The following RFC4 variants were observed in gnomAD, a reference collection of about 807,000 sequenced individuals.
The protein encoded by RFC4 is replication factor C subunit 4.
Under a neutral mutation model 47.6 loss-of-function variants are expected in RFC4, and 38 were observed. The observed-to-expected ratio is 0.80, with a 90% CI of 0.62 to 1.05. The LOEUF is 1.05. Ranked by LOEUF, RFC4 falls within the 50% of genes least tolerant of loss-of-function variation. The probability of loss-of-function intolerance (pLI) is 0.00; values close to 1 mark genes in which losing one functional copy is unlikely to be tolerated. For missense variants in RFC4, 489 were observed against 434.0 expected (o/e 1.13, Z -1.13); for synonymous variants, 164 against 150.0 (o/e 1.09, Z -0.68).
rs759348056 is a variant in RFC4 at position 186,790,076 on chromosome 3, A to G, written c.997-12T>C. ...CATTTGTCAACTTCCTACGAGAAAA[A>G]TTTAAGAAATTAGCATCCTTCAGGT... On this transcript the variant is annotated splice_polypyrimidine_tract_variant and intron_variant, in intron 10 of 10. Transcript: ENST00000296273. 1.2e-6 allele frequency: 2 copies of G among 1,611,330 alleles called. No homozygotes were observed. Among genetic ancestry groups the G allele is most frequent in the South Asian group, 2.2e-5 (2 of 90,934 alleles).
Position 186,806,469 on chromosome 3 carries a change from G to C in RFC4, c.-191C>G, listed in dbSNP as rs1722483240. 6.6e-6 allele frequency: 1 copy of C among 152,284 alleles called. No homozygotes were observed. Among genetic ancestry groups the C allele is most frequent in the Admixed American group, 6.5e-5 (1 of 15,292 alleles). 9.4% of individuals were successfully genotyped at this position (152,284 alleles called of 1,614,324 possible). A position where few individuals can be genotyped will look rare whatever the true frequency, so the allele number is the denominator to read the frequency against. On this transcript the variant is annotated 5_prime_UTR_variant, in exon 1 of 11. Transcript: ENST00000296273. Reference sequence around the variant, plus strand: ...GTCGCCTCAGTTCCCGCCACGGAACGGCGGGCGAAAAGCAGGGCGGGAATA... The same window carrying C: ...GTCGCCTCAGTTCCCGCCACGGAACCGCGGGCGAAAAGCAGGGCGGGAATA...
rs1267550334 is a variant in RFC4 at position 186,796,313 on chromosome 3, G to A, written c.290+1222C>T. ...ATAAACAACTGTTAAGGCTGATTCA[G>A]ATTGGTTCTATCTGATTGAGTTGTG... On this transcript the variant is annotated intron_variant, in intron 4 of 10. Coordinates refer to ENST00000296273, the MANE Select transcript of RFC4 (RefSeq NM_002916.5). The surrounding 1 kb of genome is among the most constrained non-coding windows in gnomAD (Gnocchi z 4.2). 2.6e-5 allele frequency among the ~76,000 whole-genome samples: 4 copies of A among 152,180 alleles called. No homozygotes were observed. The highest frequency in any genetic ancestry group is 7.2e-5 in the African/African-American group (3 of 41,452).
intron 3 of RFC4, among the ~76,000 whole-genome samples, chr3:186,797,944 C>T (rs933270388): frequency 5.1e-4 from 78 of 152,270 alleles, no homozygotes; most frequent in African/African-American, 1.9e-3. Context: ...ATCTCAGTTT[C>T]CTATCCCACC....
At chr3:186,790,674 GT>G (rs1347314457) in intron 8 of RFC4, among the ~76,000 whole-genome samples, 1 of 152,200 alleles carries the variant, frequency 6.6e-6, no homozygotes, top group Admixed American at 6.5e-5. Flanking sequence ...GTTCTGGTCA[GT>G]GGATGAAGAT....
intron 7 of RFC4, 88 bp from the exon 8 acceptor site, chr3:186,791,938 C>G: frequency 8.2e-7 from 1 of 1,222,848 alleles, no homozygotes; most frequent in Non-Finnish European, 1.1e-6. Flanking sequence ...AAGTGAAAAA[C>G]CCTGTTTTAG....
In RFC4 at chr3:186,794,640, G is replaced by A. The variant is rs1157581786; in HGVS notation, c.410+18C>T. ...AAAATAATACATGCTATGGAGGAGG[G>A]AGGGCAAATTTACTTACTCTGAGCG... On this transcript the variant is annotated intron_variant, in intron 5 of 10. Transcript: ENST00000296273. The A allele has an allele frequency of 6.2e-7, 1 of 1,611,182 alleles. No homozygotes were observed. Among genetic ancestry groups the A allele is most frequent in the East Asian group, 2.2e-5 (1 of 44,812 alleles).
chr3:186,794,770 G>C lies in RFC4; in HGVS notation c.298C>G (p.Leu100Val), dbSNP rs1722209690. 1 of 1,613,680 alleles carries C rather than the reference G, an allele frequency of 6.2e-7. No homozygotes were observed. Among genetic ancestry groups the C allele is most frequent in the South Asian group, 1.1e-5 (1 of 90,956 alleles). ...AACTCAAGAACTCTTAATCGGAAAA[G>C]TTCAGGCCTATCTCAAAATGAAACA... ...AAARELFGPE[L>V]FRLRVLELNA... The change falls in exon 5 of 11, where the codon CTT becomes GTT. Residue 100 changes from leucine (L) to valine (V), a missense_variant. This residue lies in a region of RFC4 where 206 missense variants were observed against 257.8 expected (regional missense o/e 0.80). Transcript: ENST00000296273.
In RFC4 at chr3:186,804,736, C is replaced by A. The variant is rs1277189746; in HGVS notation, c.-11-12G>T. The A allele has an allele frequency of 5.1e-6, 8 of 1,577,936 alleles. No homozygotes were observed. The Admixed American group carries it at 1.1e-4, about 22-fold the overall frequency. On this transcript the variant is annotated splice_polypyrimidine_tract_variant and intron_variant, in intron 1 of 10. Coordinates refer to ENST00000296273, the MANE Select transcript of RFC4 (RefSeq NM_002916.5). ...CATGGTACTTCACCCTGGTCAGGTG[C>A]AAGACAGAAAAAAAAAGCTTTTATT...
chr3:186,791,939 C>T (rs768003590), intron 7 of RFC4, 89 bp from the exon 8 acceptor site: 5 of 1,188,970 alleles, frequency 4.2e-6, no homozygotes, highest in East Asian at 4.9e-5. Context: ...AGTGAAAAAC[C>T]CTGTTTTAGT....
chr3:186,798,207 A>T (rs3917115), intron 3 of RFC4, among the ~76,000 whole-genome samples: 1 of 152,162 alleles, frequency 6.6e-6, no homozygotes, highest in African/African-American at 2.4e-5. Flanking sequence ...GCTTGCATGT[A>T]TCAGGGAGAA....
rs142967195 is a variant in RFC4, at chr3:186,796,604, C to T, written c.290+931G>A. Among the ~76,000 whole-genome samples the T allele has an allele frequency of 2.7e-4, 41 of 152,186 alleles. No homozygotes were observed. The East Asian group carries it at 7.2e-3, about 27-fold the overall frequency. On this transcript the variant is annotated intron_variant, in intron 4 of 10. Coordinates refer to ENST00000296273, the MANE Select transcript of RFC4 (RefSeq NM_002916.5). The surrounding 1 kb of genome is among the most constrained non-coding windows in gnomAD (Gnocchi z 4.2). ...AAGTGATTCTCCTGCCTCAGCCTGCCGAGTAGCTGGGACTACAGGTGCATG... is the reference window on the plus strand; with the variant it reads ...AAGTGATTCTCCTGCCTCAGCCTGCTGAGTAGCTGGGACTACAGGTGCATG...
chr3:186,802,879 G>C (rs1167228177), intron 2 of RFC4, among the ~76,000 whole-genome samples: 2 of 152,058 alleles, frequency 1.3e-5, no homozygotes, highest in African/African-American at 2.4e-5. Flanking sequence ...GGCAAATTGA[G>C]GAACACACGA....
At chr3:186,790,686 TAA>T (rs1175796355) in intron 8 of RFC4, among the ~76,000 whole-genome samples, 1 of 152,138 alleles carries the variant, frequency 6.6e-6, no homozygotes, top group Non-Finnish European at 1.5e-5. Flanking sequence ...GGATGAAGAT[TAA>T]GTTTTCCCCT....
At position 186,793,069 on chromosome 3, in the gene RFC4, G is replaced by A. The variant is rs1722176788; in HGVS notation, c.411-122C>T. The A allele has an allele frequency of 3.6e-6, 3 of 824,790 alleles. No individual in the cohort carries two copies. Among genetic ancestry groups the A allele is most frequent in the East Asian group, 5.7e-5 (2 of 35,326 alleles). The allele number at this position is 824,790 out of a possible 1,614,324, so 51.1% of individuals were successfully genotyped here. ...AAAATGTACAATTCAGTGTTTTTCT[G>A]TATGTTCACAAAGTTGTGCAACCAT... On this transcript the variant is annotated intron_variant, in intron 5 of 10. Transcript: ENST00000296273. The surrounding 1 kb of genome is among the most constrained non-coding windows in gnomAD (Gnocchi z 4.2).
At chr3:186,798,258 C>T (rs1403553721) in intron 3 of RFC4, among the ~76,000 whole-genome samples, 4 of 152,146 alleles carry the variant, frequency 2.6e-5, no homozygotes, top group African/African-American at 9.7e-5. Context: ...TCACTAGCTA[C>T]CTTCTTTTAT....
At chr3:186,805,750 G>T (rs1722464664) in intron 1 of RFC4, among the ~76,000 whole-genome samples, 2 of 152,034 alleles carry the variant, frequency 1.3e-5, no homozygotes, top group Admixed American at 1.3e-4. Context: ...CATTCTTCCA[G>T]GCTGTTTTCA....
In RFC4 at chr3:186,806,309, T is replaced by C. The variant is rs888741167; in HGVS notation, c.-31A>G. 1 of 152,342 alleles carries C rather than the reference T, an allele frequency of 6.6e-6. No individual in the cohort carries two copies. Among genetic ancestry groups the C allele is most frequent in the Non-Finnish European group, 1.5e-5 (1 of 68,108 alleles). The allele number at this position is 152,342 out of a possible 1,614,324, so 9.4% of individuals were successfully genotyped here. ...GGTTACCAGTTAGCCTGGCTTCTCG[T>C]GCAGGTCACCGCCGCCGGCTCGTTC... On this transcript the variant is annotated 5_prime_UTR_variant, in exon 1 of 11. Coordinates refer to ENST00000296273, the MANE Select transcript of RFC4 (RefSeq NM_002916.5).
rs1203808615 is a variant in RFC4, at chr3:186,792,197, G to A, written c.675+293C>T. 4.6e-5 allele frequency among the ~76,000 whole-genome samples: 7 copies of A among 152,280 alleles called. No homozygotes were observed. In the East Asian group the frequency reaches 1.3e-3, roughly 29 times the overall value. ...GGAAGTACTGAAGTATTAGCTAGAAGACTAAAATCTTGTCATCATGCAGAG... is the reference window on the plus strand; with the variant it reads ...GGAAGTACTGAAGTATTAGCTAGAAAACTAAAATCTTGTCATCATGCAGAG... On this transcript the variant is annotated intron_variant, in intron 7 of 10. Coordinates refer to ENST00000296273, the MANE Select transcript of RFC4 (RefSeq NM_002916.5).
chr3:186,799,898 C>T (rs903176911), intron 3 of RFC4, among the ~76,000 whole-genome samples: 1 of 152,004 alleles, frequency 6.6e-6, no homozygotes, highest in African/African-American at 2.4e-5. Context: ...AAATGCTATA[C>T]TATTATAAAA....
Sources: gnomAD v4.1 joint callset for allele counts (sites outside exome capture counted in the v4.1 genomes callset) on GRCh38, gnomAD v4.1.1 for gene constraint, gnomAD v4.1.1 regional missense constraint, Gnocchi (gnomAD v3.1) non-coding constraint, MANE v1.5 for transcripts, NCBI Gene and HGNC (gene_info 2026-07-23, HGNC 2026-07-21) for gene names.